IL17RE: variants seen among roughly 807,000 people sequenced by gnomAD.
IL17RE encodes interleukin-17 receptor E.
IL17RE carries 47 observed loss-of-function variants against 70.7 expected under a neutral mutation model. The ratio of observed to expected loss-of-function variants is 0.67; its 90% CI spans 0.53 to 0.85. The LOEUF (loss-of-function observed/expected upper bound fraction) is 0.85, where lower values mean the gene tolerates loss of function less well. IL17RE is among the 40% of genes least tolerant of loss of function. The probability of loss-of-function intolerance (pLI) is 0.00; values close to 1 mark genes in which losing one functional copy is unlikely to be tolerated. For synonymous variants in IL17RE, 372 were observed against 381.2 expected (o/e 0.98, Z 0.28); for missense variants, 850 against 893.9 (o/e 0.95, Z 0.63).
chr3:9,902,802 C>A, upstream of IL17RE: 2 of 1,560,920 alleles, frequency 1.3e-6, no homozygotes, highest in South Asian at 1.2e-5. Flanking sequence ...AGCTTTCGGG[C>A]AGGGCGGGGC....
At position 9,906,839 on chromosome 3, in the gene IL17RE, C is replaced by T. The variant is rs1046210303; in HGVS notation, c.500C>T (p.Pro167Leu). 2 of 1,614,038 alleles carry T rather than the reference C, an allele frequency of 1.2e-6. No homozygotes were observed. The highest frequency in any genetic ancestry group is 1.7e-6 in the Non-Finnish European group (2 of 1,180,036). Residue 167 changes from proline (P) to leucine (L), a missense_variant, in exon 5 of 16, where the codon CCC becomes CTC. Coordinates refer to ENST00000383814, the MANE Select transcript of IL17RE (RefSeq NM_153480.2). ...PSDPETWESL[P>L]RLDSQRHGGP... ...GATCCAGAGACATGGGAAAGTCTTC[C>T]CAGATTGGACTCACAAAGGCATGGA...
chr3:9,909,185 C>T (rs1316757735), intron 7 of IL17RE, 32 bp from the exon 8 acceptor site: 1 of 1,588,514 alleles, frequency 6.3e-7, no homozygotes, highest in Admixed American at 1.7e-5. Flanking sequence ...AGCCATTCCT[C>T]TGACCCTCCC....
At chr3:9,914,487 C>T in intron 13 of IL17RE, 61 bp from the exon 14 acceptor site, 2 of 1,604,734 alleles carry the variant, frequency 1.2e-6, no homozygotes, top group African/African-American at 1.3e-5. Context: ...CCATGCTTCA[C>T]TCAGCTCCCC....
At chr3:9,906,495 G>T (rs368501756) in intron 4 of IL17RE, 34 bp downstream of exon 4, 5 of 1,502,292 alleles carry the variant, frequency 3.3e-6, no homozygotes, top group African/African-American at 1.4e-5. Flanking sequence ...CCTACCTGAC[G>T]CCCCACAGAC....
intron 12 of IL17RE, chr3:9,911,868 C>T: frequency 6.2e-6 from 2 of 320,328 alleles, no homozygotes; most frequent in South Asian, 5.1e-5. Flanking sequence ...GTGGCGCGAT[C>T]TCGGCTCACT....
intron 15 of IL17RE, among the ~76,000 whole-genome samples, 180 bp downstream of exon 15, chr3:9,914,957 T>C (rs2082979789): frequency 6.6e-6 from 1 of 152,196 alleles, no homozygotes; most frequent in South Asian, 2.1e-4. Context: ...CCTCTGAGCA[T>C]ATTGTCACTG....
In IL17RE at chr3:9,911,156, C is replaced by A; in HGVS notation, c.1008C>A (p.His336Gln). The change falls in exon 10 of 16, where the codon CAC (histidine) becomes CAA (glutamine). Residue 336 changes from histidine to glutamine, a missense_variant. Transcript: ENST00000383814. ...GWYVLEKVDL[H>Q]PQLCFKFSFG... ...ATGTTTTGGAGAAGGTGGACCTGCA[C>A]CCCCAGCTCTGCTTCAAGGTACAAC... 1 of 1,614,178 alleles carries A rather than the reference C, an allele frequency of 6.2e-7. No individual in the cohort carries two copies. Among genetic ancestry groups the A allele is most frequent in the Non-Finnish European group, 8.5e-7 (1 of 1,180,030 alleles).
intron 3 of IL17RE, among the ~76,000 whole-genome samples, chr3:9,904,902 T>C (rs543536808): frequency 6.6e-6 from 1 of 152,260 alleles, no homozygotes; most frequent in Admixed American, 6.5e-5. Context: ...GAGACCAGCC[T>C]GGCCAACATG....
At chr3:9,908,542 C>G (rs2082813235) in intron 7 of IL17RE, among the ~76,000 whole-genome samples, 1 of 152,182 alleles carries the variant, frequency 6.6e-6, no homozygotes, top group Non-Finnish European at 1.5e-5. Flanking sequence ...TCATCCAAAC[C>G]CATCTTTCCC....
chr3:9,915,267 G>C lies in IL17RE; in HGVS notation c.1464G>C (p.Arg488=), dbSNP rs1290989319. 1 of 1,397,614 alleles carries C rather than the reference G, an allele frequency of 7.2e-7. No individual in the cohort carries two copies. Among genetic ancestry groups the C allele is most frequent in the East Asian group, 2.9e-5 (1 of 34,268 alleles). 86.6% of individuals were successfully genotyped at this position (1,397,614 alleles called of 1,614,324 possible). A position where few individuals can be genotyped will look rare whatever the true frequency, so the allele number is the denominator to read the frequency against. Residue 488 remains arginine (R), a synonymous_variant, in exon 16 of 16, where the codon CGG becomes CGC. Coordinates refer to ENST00000383814, the MANE Select transcript of IL17RE (RefSeq NM_153480.2). The surrounding 1 kb of genome is among the most constrained non-coding windows in gnomAD (Gnocchi z 4.9). ...RRPQSGPGPA[R]PVLLLHAADS... ...CGCCACCAGGCCCGGGCCCAGCGCGGCCAGTGCTCCTCCTGCACGCGGCGG... is the reference window on the plus strand; with the variant it reads ...CGCCACCAGGCCCGGGCCCAGCGCGCCCAGTGCTCCTCCTGCACGCGGCGG...
Position 9,915,344 on chromosome 3 carries a change from C to T in IL17RE, c.1541C>T (p.Ala514Val). 8 of 1,373,752 alleles carry T rather than the reference C, an allele frequency of 5.8e-6. No homozygotes were observed. Among genetic ancestry groups the T allele is most frequent in the South Asian group, 1.7e-5 (1 of 57,950 alleles). 85.1% of individuals were successfully genotyped at this position (1,373,752 alleles called of 1,614,324 possible). The part of the protein sequence containing the change: ...LVGALAELLR[A>V]ALGGGRDVIV... ...GGAGCGCTGGCTGAACTGCTACGGG[C>T]AGCGCTGGGCGGCGGGCGCGACGTG... Residue 514 changes from alanine to valine, a missense_variant, in exon 16 of 16, where the codon GCA becomes GTA. Ala to Val is a moderately conservative substitution (Grantham distance 64). Coordinates refer to ENST00000383814, the MANE Select transcript of IL17RE (RefSeq NM_153480.2). This position sits in a 1 kb window ranked among gnomAD's most constrained non-coding sequence, Gnocchi z 4.9.
In IL17RE at chr3:9,914,442, T is replaced by A. The variant is rs1323073528; in HGVS notation, c.1297-106T>A. Reference sequence around the variant, plus strand: ...AGACACAAACCCACCTGGGAAGAATTCCCTAGCCAGTGGGGACTCCCCTCT... The same window carrying A: ...AGACACAAACCCACCTGGGAAGAATACCCTAGCCAGTGGGGACTCCCCTCT... On this transcript the variant is annotated intron_variant, in intron 13 of 15. Coordinates refer to ENST00000383814, the MANE Select transcript of IL17RE (RefSeq NM_153480.2). The A allele has an allele frequency of 2.6e-6, 4 of 1,545,924 alleles. No homozygotes were observed. In the African/African-American group the frequency reaches 5.5e-5, roughly 21 times the overall value.
chr3:9,905,094 CAAA>C (rs71626946), intron 3 of IL17RE, among the ~76,000 whole-genome samples: 1 of 56,162 alleles, frequency 1.8e-5, no homozygotes. Flanking sequence ...GACCCTGTCT[CAAA>C]AAAAAAAAAA....
Position 9,902,958 on chromosome 3 carries a change from T to A in IL17RE, c.26T>A (p.Leu9Gln), listed in dbSNP as rs1238418797. The A allele has an allele frequency of 6.2e-7, 1 of 1,614,256 alleles. No homozygotes were observed. The highest frequency in any genetic ancestry group is 1.7e-5 in the Admixed American group (1 of 60,034). Residue 9 changes from leucine (L) to glutamine (Q), a missense_variant, in exon 1 of 16, where the codon CTG (leucine) becomes CAG (glutamine). Physicochemically the swap from Leu to Gln is moderately radical, Grantham distance 113 (BLOSUM62 -2). Coordinates refer to ENST00000383814, the MANE Select transcript of IL17RE (RefSeq NM_153480.2). ...ATGGGGAGCTCCAGACTGGCAGCCC[T>A]GCTCCTGCCTCTCCTCCTCATAGTC... is the stretch of plus-strand genomic sequence containing the variant. MGSSRLAA[L>Q]LLPLLLIVID...
Position 9,902,908 on chromosome 3 carries a change from G to A in IL17RE, c.-25G>A, listed in dbSNP as rs780115739. The A allele has an allele frequency of 8.1e-6, 13 of 1,614,172 alleles. No homozygotes were observed. The highest frequency in any genetic ancestry group is 1.7e-4 in the Middle Eastern group (1 of 6,054). The stretch of plus-strand genomic sequence containing the variant: ...CCTTCAGGCCATGCAGCCATGTTCC[G>A]GGAGCCCTAATTGCACAGAAGCCCA... On this transcript the variant is annotated 5_prime_UTR_variant, in exon 1 of 16. Transcript: ENST00000383814.
Position 9,904,114 on chromosome 3 carries a change from C to T in IL17RE, c.231C>T (p.Ser77=). The T allele has an allele frequency of 1.2e-6, 2 of 1,614,196 alleles. No homozygotes were observed. Among genetic ancestry groups the T allele is most frequent in the Non-Finnish European group, 1.7e-6 (2 of 1,180,032 alleles). The stretch of plus-strand genomic sequence containing the variant: ...GGTGTGTGCGAGTCTGGCACTGTTC[C>T]CGCTGTTTGTGCCAGCATCTGCTGT... ...KPWCVRVWHC[S]RCLCQHLLSG... The change falls in exon 3 of 16, where the codon TCC becomes TCT. Residue 77 remains serine, a synonymous_variant. Transcript: ENST00000383814.
intron 3 of IL17RE, among the ~76,000 whole-genome samples, 173 bp downstream of exon 3, chr3:9,904,324 A>G (rs1481426644): frequency 8.3e-6 from 1 of 120,124 alleles, no homozygotes; most frequent in Non-Finnish European, 1.8e-5. Context: ...ATACAATTGT[A>G]CAATTTTATG....
chr3:9,904,083 A>G lies in IL17RE; in HGVS notation c.200A>G (p.Lys67Arg). The change falls in exon 3 of 16, where the codon AAG (lysine) becomes AGG (arginine). Residue 67 changes from lysine to arginine, a missense_variant. Physicochemically the swap from Lys to Arg is conservative, Grantham distance 26 (BLOSUM62 2). Transcript: ENST00000383814. ...ACCTGGTGGGCCCTCTTCTCCACAA[A>G]GCCTTGGTGTGTGCGAGTCTGGCAC... Reference protein sequence around the residue: ...CRTWWALFSTKPWCVRVWHCS... With the variant: ...CRTWWALFSTRPWCVRVWHCS... 4 of 1,614,108 alleles carry G rather than the reference A, an allele frequency of 2.5e-6. No individual in the cohort carries two copies. The highest frequency in any genetic ancestry group is 3.4e-6 in the Non-Finnish European group (4 of 1,180,028).
Position 9,915,528 on chromosome 3 carries a change from G to C in IL17RE, c.1725G>C (p.Ala575=). 7.5e-7 allele frequency: 1 copy of C among 1,327,480 alleles called. No homozygotes were observed. Among genetic ancestry groups the C allele is most frequent in the South Asian group, 2.1e-5 (1 of 47,776 alleles). 82.2% of individuals were successfully genotyped at this position (1,327,480 alleles called of 1,614,324 possible). The change falls in exon 16 of 16, where the codon GCG becomes GCC. Residue 575 remains alanine (A), a synonymous_variant. Coordinates refer to ENST00000383814, the MANE Select transcript of IL17RE (RefSeq NM_153480.2). This position sits in a 1 kb window ranked among gnomAD's most constrained non-coding sequence, Gnocchi z 4.9. ...TCAGCGGCCCCGACCCCCGCGCCGC[G>C]CCCCTGCTCGCCCTGCTCCACGCTG... The part of the protein sequence containing the change: ...RPVSGPDPRA[A]PLLALLHAAP...
Sources: allele counts gnomAD v4.1 joint callset (sites outside exome capture counted in the v4.1 genomes callset), GRCh38; gene constraint gnomAD v4.1.1; non-coding constraint Gnocchi (gnomAD v3.1); transcripts MANE v1.5; gene names NCBI Gene and HGNC (gene_info 2026-07-23, HGNC 2026-07-21).